GALNT13: variants seen among roughly 807,000 people sequenced by gnomAD.
GALNT13 encodes the protein polypeptide N-acetylgalactosaminyltransferase 13, also known as UDP-GalNAc:polypeptide N-acetylgalactosaminyltransferase 13.
In GALNT13, 28 loss-of-function variants were observed where a neutral mutation model predicts 64.2. That is an observed-to-expected ratio of 0.44 (90% confidence interval 0.32 to 0.60). The LOEUF (loss-of-function observed/expected upper bound fraction) is 0.60. Ranked by LOEUF, GALNT13 falls within the 20% of genes least tolerant of loss-of-function variation. The pLI is 0.05. For synonymous variants in GALNT13, 214 were observed against 224.6 expected, an observed-to-expected ratio of 0.95 and a Z score of 0.42; for missense variants, 577 against 669.8, an observed-to-expected ratio of 0.86 and a Z score of 1.53.
At chr2:154,229,769 A>G (rs1313073822) in intron 4 of GALNT13, among the ~76,000 whole-genome samples, 2 of 152,100 alleles carry the variant, frequency 1.3e-5, no homozygotes, top group Non-Finnish European at 2.9e-5. Flanking sequence ...TTGTTCCCTG[A>G]AGAAACATTG....
chr2:153,252,921 T>A, the GALNT13 span, among the ~76,000 whole-genome samples: 3 of 152,086 alleles, frequency 2.0e-5, no homozygotes, highest in Admixed American at 2.0e-4. Flanking sequence ...CCAGCTTTGT[T>A]CTTTTGGCTT....
At chr2:153,965,177 C>A (rs1189642535) in intron 3 of GALNT13, among the ~76,000 whole-genome samples, 3 of 152,084 alleles carry the variant, frequency 2.0e-5, no homozygotes, top group Non-Finnish European at 4.4e-5. Context: ...TCACCTCAAG[C>A]ATTTACGATT....
chr2:153,406,678 G>A, the GALNT13 span, among the ~76,000 whole-genome samples: 1 of 152,136 alleles, frequency 6.6e-6, no homozygotes, highest in Non-Finnish European at 1.5e-5. Flanking sequence ...AAAGCCCTGG[G>A]ATTACAGGAA....
At chr2:153,633,086 A>G in the GALNT13 span, among the ~76,000 whole-genome samples, 2 of 152,124 alleles carry the variant, frequency 1.3e-5, no homozygotes, top group Non-Finnish European at 2.9e-5. Flanking sequence ...TTAATAAATA[A>G]TATTTCGCTG....
chr2:153,184,395 A>G, the GALNT13 span, among the ~76,000 whole-genome samples: 1 of 152,216 alleles, frequency 6.6e-6, no homozygotes, highest in African/African-American at 2.4e-5. Flanking sequence ...TTTTGTAGAT[A>G]TAGGATTATG....
At chr2:153,275,618 GTCTCTCTCTT>G in the GALNT13 span, among the ~76,000 whole-genome samples, 1 of 133,574 alleles carries the variant, frequency 7.5e-6, no homozygotes. Flanking sequence ...GACTGATAAT[GTCTCTCTCTT>G]TCTCTCTCAT....
intron 11 of GALNT13, among the ~76,000 whole-genome samples, chr2:154,412,599 T>C (rs774311451): frequency 4.0e-5 from 6 of 151,774 alleles, no homozygotes; most frequent in African/African-American, 1.2e-4. Context: ...TCTCCTTGCA[T>C]AGGAGTTTTG....
At chr2:153,320,031 A>G in the GALNT13 span, among the ~76,000 whole-genome samples, 1 of 152,192 alleles carries the variant, frequency 6.6e-6, no homozygotes, top group Non-Finnish European at 1.5e-5. Flanking sequence ...AAAGTTATCT[A>G]TGGATCTTTT....
chr2:153,305,672 C>G, the GALNT13 span, among the ~76,000 whole-genome samples: 2 of 152,118 alleles, frequency 1.3e-5, no homozygotes, highest in Non-Finnish European at 2.9e-5. Flanking sequence ...AGGCTCCTCC[C>G]CTAGAGATCC....
rs1402287077 is a variant in GALNT13 at position 154,360,628 on chromosome 2, A to G, written c.1157-35363A>G. 2.0e-5 allele frequency among the ~76,000 whole-genome samples: 3 copies of G among 152,156 alleles called. No individual in the cohort carries two copies. The East Asian group carries it at 5.8e-4, about 29-fold the overall frequency. On this transcript the variant is annotated intron_variant, in intron 9 of 12. Coordinates refer to ENST00000392825, the MANE Select transcript of GALNT13 (RefSeq NM_052917.4). ...TGTTTTTAGAGTGATACAAATTTGC[A>G]ACGTGTACCTATGTGTGGATGGATG...
At chr2:154,409,252 G>T (rs190242323) in intron 11 of GALNT13, 170 bp downstream of exon 11, 1 of 613,710 alleles carries the variant, frequency 1.6e-6, no homozygotes, top group Non-Finnish European at 2.9e-6. Context: ...GATCTTAAAG[G>T]AGAGCTGAAA....
chr2:153,366,720 G>GACACACACACACACAC, the GALNT13 span, among the ~76,000 whole-genome samples: 5 of 109,158 alleles, frequency 4.6e-5, no homozygotes, highest in African/African-American at 1.5e-4. Context: ...AGCACACAGG[G>GACACACACACACACAC]ACACACACAC....
At chr2:153,445,665 A>C in the GALNT13 span, among the ~76,000 whole-genome samples, 1 of 152,176 alleles carries the variant, frequency 6.6e-6, no homozygotes, top group African/African-American at 2.4e-5. Context: ...GGTGTGAGCC[A>C]CCATGCCTGT....
the GALNT13 span, among the ~76,000 whole-genome samples, chr2:153,334,847 A>G: frequency 1.3e-5 from 2 of 152,144 alleles, no homozygotes; most frequent in African/African-American, 4.8e-5. Context: ...TGAATAGTTA[A>G]GCTTGCTCTG....
At chr2:153,404,900 CAT>C in the GALNT13 span, among the ~76,000 whole-genome samples, 1 of 152,252 alleles carries the variant, frequency 6.6e-6, no homozygotes. Context: ...AATATTCACA[CAT>C]ATATGTGATG....
chr2:153,485,839 G>A, the GALNT13 span, among the ~76,000 whole-genome samples: 1 of 152,178 alleles, frequency 6.6e-6, no homozygotes, highest in Non-Finnish European at 1.5e-5. Flanking sequence ...GGTTGAGGCT[G>A]CAGTGAGCTG....
At chr2:154,305,549 A>T (rs1325988104) in intron 9 of GALNT13, among the ~76,000 whole-genome samples, 1 of 152,016 alleles carries the variant, frequency 6.6e-6, no homozygotes, top group Non-Finnish European at 1.5e-5. Flanking sequence ...GTTTTGTGAG[A>T]TTTCTACTTT....
intron 3 of GALNT13, among the ~76,000 whole-genome samples, chr2:154,036,787 T>A (rs1202901131): frequency 6.6e-6 from 1 of 152,084 alleles, no homozygotes; most frequent in Non-Finnish European, 1.5e-5. Flanking sequence ...CTGAGGATGG[T>A]CTACAAGGTT....
the GALNT13 span, among the ~76,000 whole-genome samples, chr2:153,674,631 T>A: frequency 1.3e-5 from 2 of 152,148 alleles, no homozygotes; most frequent in African/African-American, 4.8e-5. Flanking sequence ...ATTCAGGAGA[T>A]AGGCATAGGC....
Sources: allele counts gnomAD v4.1 joint callset (sites outside exome capture counted in the v4.1 genomes callset), GRCh38; gene constraint gnomAD v4.1.1; transcripts MANE v1.5; gene names NCBI Gene and HGNC (gene_info 2026-07-23, HGNC 2026-07-21).